PCDHA2: variants seen among roughly 807,000 people sequenced by gnomAD.
The protein encoded by PCDHA2 is protocadherin alpha 2.
A neutral mutation model predicts 66.0 loss-of-function variants in PCDHA2; 58 were observed. The observed-to-expected ratio is 0.88, with a 90% CI of 0.71 to 1.09. The LOEUF is 1.09. Among genes scored for constraint, PCDHA2 ranks in the 50% least tolerant of loss-of-function variants. The pLI is 0.00. For synonymous variants in PCDHA2, 634 were observed against 554.0 expected, an observed-to-expected ratio of 1.14 and a Z score of -2.03; for missense variants, 1,267 against 1,242.3, an observed-to-expected ratio of 1.02 and a Z score of -0.30.
At chr5:140,902,395 G>A (rs782771913) in intron 1 of PCDHA2, among the ~76,000 whole-genome samples, 2 of 151,802 alleles carry the variant, frequency 1.3e-5, no homozygotes, top group Non-Finnish European at 2.9e-5. Context: ...GTACTATGTT[G>A]AATACTATGT....
rs1418843235 is a variant in PCDHA2 at position 140,810,477 on chromosome 5, CA to C, written c.2388+13126del. 1.8e-4 allele frequency: 27 copies of C among 152,324 alleles called. No individual in the cohort carries two copies. In the East Asian group the frequency reaches 4.6e-3, roughly 26 times the overall value. 9.4% of individuals were successfully genotyped at this position (152,324 alleles called of 1,614,324 possible). A position where few individuals can be genotyped will look rare whatever the true frequency, so the allele number is the denominator to read the frequency against. On this transcript the variant is annotated intron_variant, in intron 1 of 3. Coordinates refer to ENST00000526136, the MANE Select transcript of PCDHA2 (RefSeq NM_018905.3). ...GTGCATAAGGCTTTCTGCTGGGCCA[CA>C]TCATCTCTACATTTGTCAGGTTATT...
At chr5:140,956,363 A>G (rs938643620) in intron 1 of PCDHA2, among the ~76,000 whole-genome samples, 2 of 152,026 alleles carry the variant, frequency 1.3e-5, no homozygotes, top group African/African-American at 4.8e-5. Context: ...ACATGAAGGG[A>G]TGTTGAATTT....
chr5:140,971,290 A>G (rs2096467357), intron 1 of PCDHA2, among the ~76,000 whole-genome samples: 1 of 152,204 alleles, frequency 6.6e-6, no homozygotes, highest in East Asian at 1.9e-4. Context: ...ATTAATATGT[A>G]CTTTGGTACA....
chr5:140,869,424 G>A, intron 1 of PCDHA2: 2 of 1,614,216 alleles, frequency 1.2e-6, no homozygotes, highest in African/African-American at 2.7e-5. Context: ...TCCACCTGGA[G>A]GTGATCGTGG....
At chr5:140,927,183 C>T (rs1554204140) in intron 1 of PCDHA2, 12 of 1,614,160 alleles carry the variant, frequency 7.4e-6, no homozygotes, top group Non-Finnish European at 1.0e-5. Context: ...TCTTGACCTA[C>T]GACCTGGTGC....
intron 1 of PCDHA2, chr5:140,810,851 C>T (rs548527323): frequency 6.6e-6 from 1 of 152,122 alleles, no homozygotes; most frequent in East Asian, 1.9e-4. Context: ...TTTGATTAAA[C>T]TCAATTTATC....
At chr5:140,884,046 A>G (rs781965939) in intron 1 of PCDHA2, 6 of 1,613,474 alleles carry the variant, frequency 3.7e-6, no homozygotes, top group Non-Finnish European at 5.1e-6. Flanking sequence ...GTGGTGGCGA[A>G]GGTGCGCGCG....
chr5:140,830,566 T>C (rs1771135529), intron 1 of PCDHA2: 2 of 961,386 alleles, frequency 2.1e-6, no homozygotes, highest in South Asian at 6.5e-5. Context: ...TCTATATTTC[T>C]GTTTTTAATT....
intron 1 of PCDHA2, among the ~76,000 whole-genome samples, chr5:140,938,922 T>G (rs2092267013): frequency 6.6e-6 from 1 of 151,926 alleles, no homozygotes; most frequent in Non-Finnish European, 1.5e-5. Flanking sequence ...CACAAGAAAT[T>G]GGCTTTTAAC....
At chr5:140,821,899 A>G (rs1767104322) in intron 1 of PCDHA2, 1 of 1,614,162 alleles carries the variant, frequency 6.2e-7, no homozygotes, top group Non-Finnish European at 8.5e-7. Flanking sequence ...CAAACACGGA[A>G]CCTTCGTTGG....
chr5:140,861,274 GCT>G lies in PCDHA2; in HGVS notation c.2388+63923_2388+63924del, dbSNP rs538032435. The G allele has an allele frequency of 1.4e-4, 25 of 180,670 alleles. 1 individual carries two copies. In the South Asian group the frequency reaches 2.9e-3, roughly 21 times the overall value. 11.2% of individuals were successfully genotyped at this position (180,670 alleles called of 1,614,324 possible). On this transcript the variant is annotated intron_variant, in intron 1 of 3. Transcript: ENST00000526136. The stretch of plus-strand genomic sequence containing the variant: ...AGGAATCCCGGAGCCTACAGCACTG[GCT>G]TCTGCTCCTTGAATTTTGTGAAGCG...
intron 1 of PCDHA2, chr5:140,835,532 A>G (rs2150237732): frequency 2.1e-5 from 34 of 1,613,822 alleles, no homozygotes; most frequent in Admixed American, 3.3e-5. Context: ...GAGTCAACGG[A>G]CAGGTTACCT....
At chr5:140,908,822 C>G (rs2074167872) in intron 1 of PCDHA2, among the ~76,000 whole-genome samples, 1 of 152,136 alleles carries the variant, frequency 6.6e-6, no homozygotes, top group African/African-American at 2.4e-5. Flanking sequence ...TTTTGGGTTA[C>G]TCGATAAATG....
At chr5:140,906,961 T>C (rs143429690) in intron 1 of PCDHA2, among the ~76,000 whole-genome samples, 1 of 152,268 alleles carries the variant, frequency 6.6e-6, no homozygotes, top group African/African-American at 2.4e-5. Flanking sequence ...TTTAATGGAA[T>C]CGTGGTTGTG....
In PCDHA2 at chr5:140,795,058, C is replaced by T. The variant is rs1033929121; in HGVS notation, c.94C>T (p.Arg32Cys). 1.2e-6 allele frequency: 2 copies of T among 1,613,788 alleles called. No homozygotes were observed. Among genetic ancestry groups the T allele is most frequent in the African/African-American group, 1.3e-5 (1 of 74,952 alleles). Residue 32 changes from arginine (R) to cysteine (C), a missense_variant, in exon 1 of 4, where the codon CGC becomes TGC. By Grantham distance (180) the Arg-to-Cys change is radical. Transcript: ENST00000526136. ...AAWEVGSGQL[R>C]YSVPEEAKHG... The stretch of plus-strand genomic sequence containing the variant: ...CTGGGAGGTGGGGAGCGGCCAGCTC[C>T]GCTACTCCGTCCCCGAGGAGGCCAA...
At chr5:140,869,727 T>G in intron 1 of PCDHA2, 1 of 1,613,380 alleles carries the variant, frequency 6.2e-7, no homozygotes, top group Non-Finnish European at 8.5e-7. Flanking sequence ...CTCCGGAACT[T>G]AATTTGCTGC....
At chr5:140,829,429 C>T (rs1770296040) in intron 1 of PCDHA2, 2 of 1,614,010 alleles carry the variant, frequency 1.2e-6, no homozygotes, top group South Asian at 1.1e-5. Flanking sequence ...TGGAGGTGGC[C>T]GACATGAATG....
chr5:140,830,435 A>G (rs1771062233), intron 1 of PCDHA2: 2 of 1,613,132 alleles, frequency 1.2e-6, no homozygotes, highest in African/African-American at 2.7e-5. Context: ...TTGTCCTATT[A>G]TGATGGGTAA....
chr5:140,876,020 A>G, intron 1 of PCDHA2: 2 of 1,613,802 alleles, frequency 1.2e-6, no homozygotes, highest in South Asian at 1.1e-5. Flanking sequence ...CTTAAAATAA[A>G]AACAAAAAAA....
Sources: allele counts gnomAD v4.1 joint callset (sites outside exome capture counted in the v4.1 genomes callset), GRCh38; gene constraint gnomAD v4.1.1; transcripts MANE v1.5; gene names NCBI Gene and HGNC (gene_info 2026-07-23, HGNC 2026-07-21).